The following NYAP2 variants were observed in gnomAD, a reference collection of about 807,000 sequenced individuals.
The protein encoded by NYAP2 is neuronal tyrosine-phosphorylated phosphoinositide-3-kinase adaptor 2, also known as neuronal tyrosine-phosphorylated phosphoinositide-3-kinase adapter 2.
Under a neutral mutation model 50.4 loss-of-function variants are expected in NYAP2, and 23 were observed. The observed-to-expected ratio is 0.46, with a 90% confidence interval of 0.33 to 0.65. NYAP2 has a LOEUF of 0.65. NYAP2 is among the 30% of genes least tolerant of loss of function. The pLI, the probability that NYAP2 is intolerant of heterozygous loss-of-function variation, is 0.02. For synonymous variants in NYAP2, 394 were observed against 365.2 expected, an observed-to-expected ratio of 1.08 and a Z score of -0.90; for missense variants, 885 against 861.0, an observed-to-expected ratio of 1.03 and a Z score of -0.35.
In NYAP2 at chr2:225,595,542, T is replaced by G. The variant is rs115664183; in HGVS notation, c.1618+12507T>G. ...TACCAATAATTAATGACAAGAGATA[T>G]GTGTCAAACAAATGAAAGCTTTTTG... On this transcript the variant is annotated intron_variant, in intron 5 of 6. Coordinates refer to ENST00000636099, the Ensembl canonical transcript of NYAP2. Among the ~76,000 whole-genome samples, 249 of 152,350 alleles carry G rather than the reference T, an allele frequency of 1.6e-3. 3 individuals carry two copies. In the Middle Eastern group the frequency reaches 0.027, roughly 17 times the overall value.
At chr2:225,626,653 C>T (rs960355019) in intron 5 of NYAP2, among the ~76,000 whole-genome samples, 1 of 151,998 alleles carries the variant, frequency 6.6e-6, no homozygotes, top group Non-Finnish European at 1.5e-5. Flanking sequence ...CAGAGATGAG[C>T]CCAAGGGAAG....
chr2:225,628,711 C>T (rs564003439), intron 6 of NYAP2, among the ~76,000 whole-genome samples: 1 of 152,046 alleles, frequency 6.6e-6, no homozygotes, highest in African/African-American at 2.4e-5. Context: ...TAGTTTGGGG[C>T]TTATCAGTAG....
At chr2:225,616,290 T>C (rs943969282) in intron 5 of NYAP2, among the ~76,000 whole-genome samples, 1 of 152,130 alleles carries the variant, frequency 6.6e-6, no homozygotes, top group Non-Finnish European at 1.5e-5. Flanking sequence ...CAAATAACAG[T>C]TTATACAAGA....
At chr2:225,583,160 C>T (rs983619882) in intron 5 of NYAP2, 125 bp downstream of exon 5, 1 of 1,162,868 alleles carries the variant, frequency 8.6e-7, no homozygotes, top group African/African-American at 1.5e-5. Context: ...GAAATCTTAG[C>T]ATGCAAACAA....
intron 4 of NYAP2, among the ~76,000 whole-genome samples, chr2:225,543,373 C>A (rs1559210026): frequency 6.6e-6 from 1 of 150,982 alleles, no homozygotes; most frequent in Non-Finnish European, 1.5e-5. Context: ...TTTTCTTTTT[C>A]TTTGATGTAG....
chr2:225,587,451 A>C (rs1692407776), intron 5 of NYAP2, among the ~76,000 whole-genome samples: 1 of 152,170 alleles, frequency 6.6e-6, no homozygotes, highest in Non-Finnish European at 1.5e-5. Flanking sequence ...CCGGGGCAGA[A>C]GGGCATGTGA....
chr2:225,414,654 G>A (rs903203345), intron 3 of NYAP2, among the ~76,000 whole-genome samples: 5 of 152,040 alleles, frequency 3.3e-5, no homozygotes, highest in South Asian at 2.1e-4. Context: ...CCCTTAAGGC[G>A]GTACCTGGGT....
intron 5 of NYAP2, among the ~76,000 whole-genome samples, chr2:225,620,463 G>A (rs1020913426): frequency 1.5e-5 from 2 of 130,836 alleles, no homozygotes; most frequent in East Asian, 2.3e-4. Flanking sequence ...GCACACACGC[G>A]CATGCACACG....
At chr2:225,460,149 T>C (rs1689804676) in intron 3 of NYAP2, among the ~76,000 whole-genome samples, 1 of 152,210 alleles carries the variant, frequency 6.6e-6, no homozygotes, top group Non-Finnish European at 1.5e-5. Flanking sequence ...TGATGATTTT[T>C]TTTGTATATA....
intron 3 of NYAP2, among the ~76,000 whole-genome samples, chr2:225,444,451 A>G (rs1204826427): frequency 6.6e-6 from 1 of 152,194 alleles, no homozygotes; most frequent in Non-Finnish European, 1.5e-5. Context: ...AAAGATTTGC[A>G]TATAAATTTA....
the NYAP2 span, among the ~76,000 whole-genome samples, chr2:225,693,384 A>C: frequency 6.6e-6 from 1 of 151,918 alleles, no homozygotes; most frequent in Admixed American, 6.6e-5. Context: ...GCAGAGGTAA[A>C]AGTGTCTCTG....
chr2:225,457,203 G>A (rs553790820), intron 3 of NYAP2, among the ~76,000 whole-genome samples: 47 of 152,288 alleles, frequency 3.1e-4, no homozygotes, highest in African/African-American at 1.1e-3. Context: ...TCGCTGTCAT[G>A]TGCCTGGTGT....
Position 225,561,713 on chromosome 2 carries a change from A to G in NYAP2, c.524-20228A>G, listed in dbSNP as rs76652098. On this transcript the variant is annotated intron_variant, in intron 4 of 6. Coordinates refer to ENST00000636099, the Ensembl canonical transcript of NYAP2. ...CTTTAGCTGGAGCCCAAGAGTAACA[A>G]TTCACCCAGATAGTTGCAATGTAAA... Among the ~76,000 whole-genome samples the G allele has an allele frequency of 6.0e-3, 913 of 152,210 alleles. 6 individuals carry two copies. The highest frequency in any genetic ancestry group is 0.021 in the African/African-American group (880 of 41,538).
the NYAP2 span, among the ~76,000 whole-genome samples, chr2:225,685,602 T>C: frequency 6.6e-6 from 1 of 152,178 alleles, no homozygotes; most frequent in African/African-American, 2.4e-5. Flanking sequence ...AGAAATAAGT[T>C]CTGTCTTCTT....
chr2:225,616,188 T>C (rs767059931), intron 5 of NYAP2, among the ~76,000 whole-genome samples: 1 of 152,190 alleles, frequency 6.6e-6, no homozygotes, highest in Non-Finnish European at 1.5e-5. Context: ...CTGAAAACCA[T>C]GGAATCTCCA....
intron 3 of NYAP2, among the ~76,000 whole-genome samples, chr2:225,431,852 A>C (rs1689264872): frequency 6.6e-6 from 1 of 152,254 alleles, no homozygotes. Context: ...AAAAGTTCCT[A>C]TCAATGAGCA....
chr2:225,648,861 T>A (rs1693682162), intron 6 of NYAP2, among the ~76,000 whole-genome samples: 1 of 152,082 alleles, frequency 6.6e-6, no homozygotes. Context: ...GGGAAAACAT[T>A]ATCTTTGAAA....
At chr2:225,457,116 C>G (rs753134747) in intron 3 of NYAP2, among the ~76,000 whole-genome samples, 3 of 152,204 alleles carry the variant, frequency 2.0e-5, no homozygotes, top group Non-Finnish European at 4.4e-5. Flanking sequence ...ATTTATCGAG[C>G]CCATATCATG....
intron 3 of NYAP2, among the ~76,000 whole-genome samples, chr2:225,512,819 T>C (rs1212030569): frequency 2.1e-4 from 15 of 71,398 alleles, no homozygotes; most frequent in Admixed American, 7.5e-4. Flanking sequence ...TTTTCTTTCT[T>C]TCTCTCTCTC....
Sources: allele counts gnomAD v4.1 joint callset (sites outside exome capture counted in the v4.1 genomes callset), GRCh38; gene constraint gnomAD v4.1.1; transcripts MANE v1.5; gene names NCBI Gene and HGNC (gene_info 2026-07-23, HGNC 2026-07-21).